The following STK26 variants were observed in gnomAD, a reference collection of about 807,000 sequenced individuals.
STK26 encodes the protein serine/threonine-protein kinase 26.
A neutral mutation model predicts 34.7 loss-of-function variants in STK26; 14 were observed. The ratio of observed to expected loss-of-function variants is 0.40; its 90% CI spans 0.27 to 0.63. The LOEUF (loss-of-function observed/expected upper bound fraction) is 0.63, where lower values mean the gene tolerates loss of function less well. Ranked by LOEUF, STK26 falls within the 30% of genes least tolerant of loss-of-function variation. The pLI is 0.38. For synonymous variants in STK26, 100 were observed against 109.8 expected, an observed-to-expected ratio of 0.91 and a Z score of 0.56; for missense variants, 226 against 309.1, an observed-to-expected ratio of 0.73 and a Z score of 2.02.
chrX:132,036,146 C>G (rs1926040793), intron 2 of STK26, among the ~76,000 whole-genome samples: 1 of 111,739 alleles, frequency 8.9e-6, no homozygotes, highest in South Asian at 3.7e-4. Flanking sequence ...ACAATGTGAG[C>G]AAACTTGATT....
intron 8 of STK26, among the ~76,000 whole-genome samples, 189 bp downstream of exon 8, chrX:132,071,406 T>C (rs1190255113): frequency 3.6e-5 from 4 of 112,385 alleles, no homozygotes; most frequent in Non-Finnish European, 5.6e-5. Context: ...ATGTTTTTCT[T>C]GGAAGTGAAT....
At chrX:132,030,839 A>T (rs1162071504) in intron 2 of STK26, among the ~76,000 whole-genome samples, 3 of 112,131 alleles carry the variant, frequency 2.7e-5, no homozygotes, top group Admixed American at 9.4e-5. Flanking sequence ...AACTCATTTT[A>T]AAAAAATCAA....
chrX:132,036,531 G>T (rs1356684347), intron 2 of STK26, among the ~76,000 whole-genome samples: 1 of 111,874 alleles, frequency 8.9e-6, no homozygotes, highest in African/African-American at 3.3e-5. Flanking sequence ...GGAGGCGGAG[G>T]TTGCAGTGAG....
chrX:132,052,519 A>G (rs148541615), intron 2 of STK26, among the ~76,000 whole-genome samples: 111 of 112,295 alleles, frequency 9.9e-4, no homozygotes, highest in African/African-American at 3.5e-3. Context: ...CTTAAACTAT[A>G]TCCATGGATT....
intron 6 of STK26, among the ~76,000 whole-genome samples, chrX:132,069,212 C>A (rs765389497): frequency 9.3e-6 from 1 of 107,075 alleles, no homozygotes; most frequent in South Asian, 4.2e-4. Context: ...TTATACACTA[C>A]TGAAATCCTC....
intron 2 of STK26, among the ~76,000 whole-genome samples, chrX:132,030,667 GT>G (rs1279211583): frequency 4.6e-4 from 48 of 104,505 alleles, no homozygotes; most frequent in African/African-American, 1.2e-3. Flanking sequence ...TGGTTCTACT[GT>G]TTTTTTTTTG....
At chrX:132,036,773 G>C (rs1348156401) in intron 2 of STK26, among the ~76,000 whole-genome samples, 1 of 111,759 alleles carries the variant, frequency 8.9e-6, no homozygotes, top group Non-Finnish European at 1.9e-5. Context: ...ATGGGTAGAT[G>C]AATGAATGTA....
Position 132,055,894 on chromosome X carries a change from C to G in STK26, c.273+1033C>G, listed in dbSNP as rs1166158113. ...TCTATACCTTTACGAAATAACCTGTCTTCAAGTTCACAGATTCTTTCTTCT... is the reference window on the plus strand; with the variant it reads ...TCTATACCTTTACGAAATAACCTGTGTTCAAGTTCACAGATTCTTTCTTCT... On this transcript the variant is annotated intron_variant, in intron 3 of 11. Coordinates refer to ENST00000394334, the MANE Select transcript of STK26 (RefSeq NM_016542.4). Among the ~76,000 whole-genome samples the G allele has an allele frequency of 1.1e-4, 12 of 112,320 alleles. No homozygotes were observed. In the Admixed American group the frequency reaches 1.1e-3, roughly 11 times the overall value.
intron 4 of STK26, among the ~76,000 whole-genome samples, chrX:132,067,979 G>A (rs1722760926): frequency 9.0e-6 from 1 of 111,295 alleles, no homozygotes; most frequent in Non-Finnish European, 1.9e-5. Flanking sequence ...AAAAGGGCTC[G>A]TATTATCTTT....
chrX:132,037,369 C>T (rs1371942652), intron 2 of STK26, among the ~76,000 whole-genome samples: 2 of 111,717 alleles, frequency 1.8e-5, no homozygotes, highest in Non-Finnish European at 3.8e-5. Context: ...ATACAGAGTA[C>T]AGACAATGGG....
At chrX:132,035,325 G>A (rs1926002158) in intron 2 of STK26, among the ~76,000 whole-genome samples, 1 of 111,024 alleles carries the variant, frequency 9.0e-6, no homozygotes, top group Admixed American at 9.5e-5. Flanking sequence ...GCAGGTTTGC[G>A]ACTTAGCAAA....
intron 2 of STK26, among the ~76,000 whole-genome samples, chrX:132,026,324 A>G (rs760779513): frequency 7.8e-4 from 87 of 112,172 alleles, no homozygotes; most frequent in African/African-American, 2.6e-3. Flanking sequence ...TAGTTATTCA[A>G]ACTCATATTG....
intron 2 of STK26, among the ~76,000 whole-genome samples, chrX:132,037,769 CTTTTTTT>C (rs755403402): frequency 9.6e-5 from 5 of 51,868 alleles, no homozygotes; most frequent in African/African-American, 1.8e-4. Flanking sequence ...CGGAGAGCTG[CTTTTTTT>C]TTTTTTTTTT....
chrX:132,072,848 T>C lies in STK26; in HGVS notation c.1062T>C (p.Ser354=), dbSNP rs145005460. Reference sequence around the variant, plus strand: ...TTGTGCAAACCCTGAGTTGTTTGTCTATGATAATCACACCTGCATTTGCTG... The same window carrying C: ...TTGTGCAAACCCTGAGTTGTTTGTCCATGATAATCACACCTGCATTTGCTG... The part of the protein sequence containing the change: ...QDLVQTLSCL[S]MIITPAFAEL... The change falls in exon 10 of 12, where the codon TCT becomes TCC. Residue 354 remains serine, a synonymous_variant. Coordinates refer to ENST00000394334, the MANE Select transcript of STK26 (RefSeq NM_016542.4). 4.4e-4 allele frequency: 534 copies of C among 1,209,867 alleles called. 4 individuals carry two copies. Among genetic ancestry groups the C allele is most frequent in the Non-Finnish European group, 8.4e-5 (75 of 894,680 alleles).
Position 132,036,788 on chromosome X carries a change from T to G in STK26, c.42+13129T>G, listed in dbSNP as rs772379108. Among the ~76,000 whole-genome samples the G allele has an allele frequency of 8.9e-5, 10 of 111,963 alleles. No homozygotes were observed. In the East Asian group the frequency reaches 2.8e-3, roughly 31 times the overall value. On this transcript the variant is annotated intron_variant, in intron 2 of 11. Transcript: ENST00000394334. Reference sequence around the variant, plus strand: ...ATGGGTAGATGAATGAATGTATATATGCACCCTCAATGTGTATTGCACATG... The same window carrying G: ...ATGGGTAGATGAATGAATGTATATAGGCACCCTCAATGTGTATTGCACATG...
chrX:132,063,673 A>G lies in STK26; in HGVS notation c.330+184A>G, dbSNP rs775759303. Among the ~76,000 whole-genome samples, 376 of 112,021 alleles carry G rather than the reference A, an allele frequency of 3.4e-3. 1 individual carries two copies. The highest frequency in any genetic ancestry group is 0.012 in the African/African-American group (363 of 30,848). On this transcript the variant is annotated intron_variant, in intron 4 of 11. Coordinates refer to ENST00000394334, the MANE Select transcript of STK26 (RefSeq NM_016542.4). ...AGGTACAGATGTATTGTACGTTTGA[A>G]CATGTTGCTGGCATTCTAAGACTAT...
At position 132,028,031 on chromosome X, in the gene STK26, G is replaced by GTTTTT. The variant is rs546393727; in HGVS notation, c.42+4386_42+4390dup. 3.3e-4 allele frequency among the ~76,000 whole-genome samples: 26 copies of GTTTTT among 78,310 alleles called. 1 individual carries two copies. Among genetic ancestry groups the GTTTTT allele is most frequent in the Non-Finnish European group, 5.2e-4 (22 of 42,203 alleles). The allele number at this position is 78,310 out of a possible 115,157, so 68.0% of individuals were successfully genotyped here. A position where few individuals can be genotyped will look rare whatever the true frequency, so the allele number is the denominator to read the frequency against. Reference sequence around the variant, plus strand: ...CCACCATGCCTGGCTAATTTTTATGGTTTTTTTTTTTTTTTTTTGGAGACA... The same window carrying GTTTTT: ...CCACCATGCCTGGCTAATTTTTATGGTTTTTTTTTTTTTTTTTTTTTTTGGAGACA... On this transcript the variant is annotated intron_variant, in intron 2 of 11. Coordinates refer to ENST00000394334, the MANE Select transcript of STK26 (RefSeq NM_016542.4).
At chrX:132,046,028 TA>T (rs1482928126) in intron 2 of STK26, among the ~76,000 whole-genome samples, 1 of 112,042 alleles carries the variant, frequency 8.9e-6, no homozygotes, top group East Asian at 2.8e-4. Flanking sequence ...TAAGGAAAGT[TA>T]TTAAATTTAT....
At chrX:132,033,557 T>C (rs1925920245) in intron 2 of STK26, among the ~76,000 whole-genome samples, 1 of 112,213 alleles carries the variant, frequency 8.9e-6, no homozygotes, top group South Asian at 3.7e-4. Flanking sequence ...TTAGTTCAAA[T>C]CCTTTGTTTG....
Sources: allele counts gnomAD v4.1 joint callset (sites outside exome capture counted in the v4.1 genomes callset), GRCh38; gene constraint gnomAD v4.1.1; transcripts MANE v1.5; gene names NCBI Gene and HGNC (gene_info 2026-07-23, HGNC 2026-07-21).